TBC1D4: variants seen among roughly 807,000 people sequenced by gnomAD.
TBC1D4 encodes TBC (Tre-2, BUB2, CDC16) domain-containing protein.
A neutral mutation model predicts 142.5 loss-of-function variants in TBC1D4; 121 were observed. That is an observed-to-expected ratio of 0.85 (90% CI 0.73 to 0.99). The LOEUF (loss-of-function observed/expected upper bound fraction) is 0.99, where lower values mean the gene tolerates loss of function less well. Among genes scored for constraint, TBC1D4 ranks in the 50% least tolerant of loss-of-function variants. TBC1D4 has a pLI of 0.00. For synonymous variants in TBC1D4, 630 were observed against 628.2 expected (o/e 1.00, Z -0.04); for missense variants, 1,475 against 1,606.6 (o/e 0.92, Z 1.40).
At chr13:75,460,411 T>C (rs1887918268) in intron 1 of TBC1D4, among the ~76,000 whole-genome samples, 1 of 152,082 alleles carries the variant, frequency 6.6e-6, no homozygotes, top group African/African-American at 2.4e-5. Flanking sequence ...ATAGGGTTTG[T>C]AAAGATCAGG....
At chr13:75,307,013 C>T (rs138613915) in intron 14 of TBC1D4, among the ~76,000 whole-genome samples, 62 of 152,298 alleles carry the variant, frequency 4.1e-4, no homozygotes, top group Admixed American at 9.8e-4. Context: ...CTCTGTACCC[C>T]AAGCTGGAGT....
chr13:75,312,987 G>T (rs1877937551), intron 12 of TBC1D4, 89 bp from the exon 13 acceptor site: 3 of 1,477,594 alleles, frequency 2.0e-6, no homozygotes, highest in Admixed American at 3.7e-5. Flanking sequence ...CCATTCACAA[G>T]TTCTGTCACG....
At chr13:75,393,431 A>G (rs1884600664) in intron 1 of TBC1D4, among the ~76,000 whole-genome samples, 1 of 152,174 alleles carries the variant, frequency 6.6e-6, no homozygotes, top group Admixed American at 6.5e-5. Context: ...CAAACATTTT[A>G]CAAGTCTGAA....
chr13:75,409,819 T>G lies in TBC1D4; in HGVS notation c.499-47212A>C, dbSNP rs544571605. 2.6e-5 allele frequency among the ~76,000 whole-genome samples: 4 copies of G among 152,346 alleles called. No homozygotes were observed. In the East Asian group the frequency reaches 5.8e-4, roughly 22 times the overall value. ...TAAATTTAGCGAACCCTTTGCTAGA[T>G]AGCTATAAAGGTCCCTTCTAATCTT... On this transcript the variant is annotated intron_variant, in intron 1 of 20. Transcript: ENST00000377636.
At chr13:75,400,231 A>G (rs960511441) in intron 1 of TBC1D4, among the ~76,000 whole-genome samples, 2 of 152,094 alleles carry the variant, frequency 1.3e-5, no homozygotes, top group African/African-American at 4.8e-5. Flanking sequence ...CCAATATACA[A>G]TCACTAAATC....
intron 11 of TBC1D4, among the ~76,000 whole-genome samples, chr13:75,321,906 C>T (rs1364956700): frequency 6.6e-6 from 1 of 152,086 alleles, no homozygotes; most frequent in African/African-American, 2.4e-5. Flanking sequence ...ATCTCACAAA[C>T]GAATGTCAGT....
chr13:75,395,204 C>G (rs1205827058), intron 1 of TBC1D4, among the ~76,000 whole-genome samples: 1 of 152,174 alleles, frequency 6.6e-6, no homozygotes, highest in Non-Finnish European at 1.5e-5. Flanking sequence ...GGTAACTACT[C>G]AACAGTGGAT....
intron 1 of TBC1D4, among the ~76,000 whole-genome samples, chr13:75,401,818 T>TA (rs1209264726): frequency 6.6e-6 from 1 of 152,332 alleles, no homozygotes; most frequent in African/African-American, 2.4e-5. Context: ...AGCTACACTG[T>TA]AAACTCCATG....
chr13:75,331,773 T>C (rs2138034962), intron 8 of TBC1D4, among the ~76,000 whole-genome samples: 1 of 151,706 alleles, frequency 6.6e-6, no homozygotes, highest in East Asian at 1.9e-4. Context: ...TATTTTGATG[T>C]TTAAAAATGG....
intron 1 of TBC1D4, among the ~76,000 whole-genome samples, chr13:75,443,709 T>C (rs867599492): frequency 9.2e-5 from 14 of 152,170 alleles, no homozygotes; most frequent in Non-Finnish European, 1.5e-5. Flanking sequence ...AAAGGGACAA[T>C]AGATTCCCCT....
At chr13:75,323,449 C>T (rs1233676608) in intron 11 of TBC1D4, among the ~76,000 whole-genome samples, 2 of 152,020 alleles carry the variant, frequency 1.3e-5, no homozygotes, top group East Asian at 3.9e-4. Context: ...CAGCACCCCA[C>T]TAAGAATTTG....
intron 1 of TBC1D4, among the ~76,000 whole-genome samples, chr13:75,379,247 TATAC>T (rs1307553602): frequency 1.3e-5 from 2 of 151,874 alleles, no homozygotes; most frequent in African/African-American, 4.9e-5. Flanking sequence ...CGTGAATTTT[TATAC>T]ATACACACAT....
At chr13:75,329,510 A>T (rs544621623) in intron 8 of TBC1D4, among the ~76,000 whole-genome samples, 1 of 150,650 alleles carries the variant, frequency 6.6e-6, no homozygotes, top group South Asian at 2.1e-4. Context: ...CCCAATCTGG[A>T]CATGTTACAA....
At chr13:75,453,032 C>A (rs1887593843) in intron 1 of TBC1D4, among the ~76,000 whole-genome samples, 1 of 152,032 alleles carries the variant, frequency 6.6e-6, no homozygotes. Flanking sequence ...CAAAAATAAG[C>A]AAAATTTCAA....
intron 1 of TBC1D4, among the ~76,000 whole-genome samples, chr13:75,388,936 T>G (rs910987544): frequency 6.6e-6 from 1 of 152,252 alleles, no homozygotes. Flanking sequence ...TATTGGTTTG[T>G]GTAGCCTTGT....
chr13:75,476,033 A>G (rs1888617788), intron 1 of TBC1D4, among the ~76,000 whole-genome samples: 1 of 152,190 alleles, frequency 6.6e-6, no homozygotes. Flanking sequence ...ACTTGAGGTC[A>G]GGAGTTTGAG....
intron 1 of TBC1D4, among the ~76,000 whole-genome samples, chr13:75,407,077 A>G (rs74096272): frequency 0.026 from 3,911 of 152,298 alleles, 173 homozygotes; most frequent in African/African-American, 0.087. Context: ...ATCTGCATGC[A>G]TAAGGAGGAG....
intron 1 of TBC1D4, among the ~76,000 whole-genome samples, chr13:75,461,838 A>G (rs1444607787): frequency 6.6e-6 from 1 of 152,192 alleles, no homozygotes; most frequent in African/African-American, 2.4e-5. Context: ...CTTGAAACCA[A>G]TTGCAGATCT....
intron 14 of TBC1D4, among the ~76,000 whole-genome samples, chr13:75,307,892 T>C: frequency 6.6e-6 from 1 of 152,226 alleles, no homozygotes; most frequent in East Asian, 1.9e-4. Context: ...GGTGTGGCTT[T>C]ATTAAGGCTA....
Sources: allele counts gnomAD v4.1 joint callset (sites outside exome capture counted in the v4.1 genomes callset), GRCh38; gene constraint gnomAD v4.1.1; transcripts MANE v1.5; gene names NCBI Gene and HGNC (gene_info 2026-07-23, HGNC 2026-07-21).